The following DDX39B variants were observed in gnomAD, a reference collection of about 807,000 sequenced individuals.
DDX39B encodes spliceosome RNA helicase DDX39B.
A neutral mutation model predicts 46.4 loss-of-function variants in DDX39B; 6 were observed. The ratio of observed to expected loss-of-function variants is 0.13; its 90% CI spans 0.07 to 0.26. The LOEUF is 0.26. Ranked by LOEUF, DDX39B falls within the 10% of genes least tolerant of loss-of-function variation. The probability of loss-of-function intolerance (pLI) is 1.00; values close to 1 mark genes in which losing one functional copy is unlikely to be tolerated. For missense variants in DDX39B, 185 were observed against 553.4 expected (o/e 0.33, Z 6.68); for synonymous variants, 174 against 199.4 (o/e 0.87, Z 1.07).
chr6:31,537,915 G>C (rs1184044825), intron 4 of DDX39B, among the ~76,000 whole-genome samples: 2 of 152,050 alleles, frequency 1.3e-5, no homozygotes, highest in Admixed American at 6.6e-5. Flanking sequence ...GCACACTGTA[G>C]TCCCAGCTAC....
chr6:31,531,503 G>A lies in DDX39B; in HGVS notation c.868-98C>T, dbSNP rs1039903246. 31 of 967,866 alleles carry A rather than the reference G, an allele frequency of 3.2e-5. No individual in the cohort carries two copies. In the African/African-American group the frequency reaches 3.4e-4, roughly 11 times the overall value. The allele number at this position is 967,866 out of a possible 1,614,324, so 60.0% of individuals were successfully genotyped here. A position where few individuals can be genotyped will look rare whatever the true frequency, so the allele number is the denominator to read the frequency against. ...GGAGAGGGGAGTTTCTAGTAATTACGTTCTCAGGAATTCCTCTTCATTTCT... is the reference window on the plus strand; with the variant it reads ...GGAGAGGGGAGTTTCTAGTAATTACATTCTCAGGAATTCCTCTTCATTTCT... On this transcript the variant is annotated intron_variant, in intron 7 of 10. Coordinates refer to ENST00000396172, the MANE Select transcript of DDX39B (RefSeq NM_004640.7). The surrounding 1 kb of genome is among the most constrained non-coding windows in gnomAD (Gnocchi z 5.8).
intron 1 of DDX39B, chr6:31,540,878 A>C: frequency 2.4e-6 from 1 of 422,166 alleles, no homozygotes; most frequent in Non-Finnish European, 4.4e-6. Context: ...AAGATTAGCA[A>C]TCACAGTAGC....
chr6:31,536,300 A>G (rs961591357), intron 5 of DDX39B, 200 bp downstream of exon 5: 65 of 811,656 alleles, frequency 8.0e-5, no homozygotes, highest in Middle Eastern at 2.5e-4. Flanking sequence ...TTAAAAACAA[A>G]AATCATAGAA....
chr6:31,533,545 G>A (rs1469233771), intron 6 of DDX39B: 1 of 153,290 alleles, frequency 6.5e-6, no homozygotes, highest in Non-Finnish European at 1.5e-5. Context: ...AGATGAGACT[G>A]GTCTCTTGAC....
At chr6:31,538,291 G>A (rs1453304733) in intron 4 of DDX39B, among the ~76,000 whole-genome samples, 1 of 152,074 alleles carries the variant, frequency 6.6e-6, no homozygotes, top group Non-Finnish European at 1.5e-5. Flanking sequence ...AAGCAGGTGG[G>A]ACTATAGGTG....
Position 31,534,762 on chromosome 6 carries a change from G to A in DDX39B, c.735+605C>T, listed in dbSNP as rs991259340. On this transcript the variant is annotated intron_variant, in intron 6 of 10. Coordinates refer to ENST00000396172, the MANE Select transcript of DDX39B (RefSeq NM_004640.7). The surrounding 1 kb of genome is among the most constrained non-coding windows in gnomAD (Gnocchi z 5.1). ...CGCGCCACGGTGCTTCTCTGTTGCC[G>A]GCTCACATCAACCGAGGTTCCAGAT... 3.5e-5 allele frequency: 12 copies of A among 341,324 alleles called. No individual in the cohort carries two copies. The highest frequency in any genetic ancestry group is 5.2e-5 in the Non-Finnish European group (9 of 173,514). 21.1% of individuals were successfully genotyped at this position (341,324 alleles called of 1,614,324 possible). A position where few individuals can be genotyped will look rare whatever the true frequency, so the allele number is the denominator to read the frequency against.
rs964398539 is a variant in DDX39B, at chr6:31,530,696, C to G, written c.1270+83G>C. ...TCAAGTGTCCATTATGCATCAGATG[C>G]CCATGACCTATGTGATGGGATTTCG... On this transcript the variant is annotated intron_variant, in intron 10 of 10. Coordinates refer to ENST00000396172, the MANE Select transcript of DDX39B (RefSeq NM_004640.7). This position sits in a 1 kb window ranked among gnomAD's most constrained non-coding sequence, Gnocchi z 4.5. 10 of 1,548,732 alleles carry G rather than the reference C, an allele frequency of 6.5e-6. No individual in the cohort carries two copies. Among genetic ancestry groups the G allele is most frequent in the African/African-American group, 4.1e-5 (3 of 73,814 alleles).
intron 3 of DDX39B, 92 bp from the exon 4 acceptor site, chr6:31,538,947 G>T: frequency 6.8e-7 from 1 of 1,479,440 alleles, no homozygotes; most frequent in Non-Finnish European, 9.5e-7. Flanking sequence ...CACCTGGGCC[G>T]ATAATAAATG....
chr6:31,541,645 G>A (rs796534425), intron 1 of DDX39B: 32 of 485,474 alleles, frequency 6.6e-5, no homozygotes, highest in African/African-American at 5.1e-4. Flanking sequence ...AAGACCAAGG[G>A]ACGCCGAGCG....
intron 1 of DDX39B, chr6:31,541,020 C>A: frequency 4.2e-6 from 2 of 477,776 alleles, no homozygotes; most frequent in Non-Finnish European, 8.5e-6. Flanking sequence ...ATGGAGATGA[C>A]AAGTAGAGTC....
rs538995701 is a variant in DDX39B at position 31,541,976 on chromosome 6, C to A, written c.-159G>T. On this transcript the variant is annotated 5_prime_UTR_variant, in exon 1 of 11. Transcript: ENST00000396172. ...TAAACAGGGAGAGCGCGTATGGCGG[C>A]AGCAACAGCGACGAAGGAGGGAAAT... 1.3e-5 allele frequency: 9 copies of A among 674,934 alleles called. No individual in the cohort carries two copies. Among genetic ancestry groups the A allele is most frequent in the Non-Finnish European group, 2.2e-5 (8 of 364,554 alleles). The allele number at this position is 674,934 out of a possible 1,614,324, so 41.8% of individuals were successfully genotyped here. A position where few individuals can be genotyped will look rare whatever the true frequency, so the allele number is the denominator to read the frequency against.
intron 1 of DDX39B, chr6:31,541,236 G>A (rs769157959): frequency 1.7e-5 from 9 of 532,866 alleles, no homozygotes; most frequent in African/African-American, 1.5e-4. Context: ...CCCTTCCGCT[G>A]TTTAAGCAAG....
At position 31,531,597 on chromosome 6, in the gene DDX39B, T is replaced by C. The variant is rs1767173213; in HGVS notation, c.868-192A>G. 1 of 601,532 alleles carries C rather than the reference T, an allele frequency of 1.7e-6. No individual in the cohort carries two copies. The highest frequency in any genetic ancestry group is 1.9e-5 in the African/African-American group (1 of 53,978). The allele number at this position is 601,532 out of a possible 1,614,324, so 37.3% of individuals were successfully genotyped here. A position where few individuals can be genotyped will look rare whatever the true frequency, so the allele number is the denominator to read the frequency against. On this transcript the variant is annotated intron_variant, in intron 7 of 10. Coordinates refer to ENST00000396172, the MANE Select transcript of DDX39B (RefSeq NM_004640.7). This position sits in a 1 kb window ranked among gnomAD's most constrained non-coding sequence, Gnocchi z 5.8. ...CTTTACTTCAGCACTGATTTTTCCC[T>C]AAGGAAGCTGGCCTCTGAGGTAGCA...
At chr6:31,536,190 G>C (rs1767759613) in intron 5 of DDX39B, among the ~76,000 whole-genome samples, 1 of 152,136 alleles carries the variant, frequency 6.6e-6, no homozygotes, top group Non-Finnish European at 1.5e-5. Context: ...TTTCAGTTTA[G>C]AATCTCCGCT....
intron 1 of DDX39B, 187 bp from the exon 2 acceptor site, chr6:31,540,851 G>C (rs1768335938): frequency 4.3e-6 from 2 of 464,086 alleles, no homozygotes; most frequent in African/African-American, 2.0e-5. Context: ...AAAGTGGTTA[G>C]GACAGAGGTT....
chr6:31,534,776 GA>G lies in DDX39B; in HGVS notation c.735+590del, dbSNP rs1767594106. On this transcript the variant is annotated intron_variant, in intron 6 of 10. Coordinates refer to ENST00000396172, the MANE Select transcript of DDX39B (RefSeq NM_004640.7). The surrounding 1 kb of genome is among the most constrained non-coding windows in gnomAD (Gnocchi z 5.1). ...TCTCTGTTGCCGGCTCACATCAACC[GA>G]GGTTCCAGATGGGTGCAAGGAGATG... 1 of 338,814 alleles carries G rather than the reference GA, an allele frequency of 3.0e-6. No homozygotes were observed. Among genetic ancestry groups the G allele is most frequent in the African/African-American group, 2.2e-5 (1 of 46,486 alleles). 21.0% of individuals were successfully genotyped at this position (338,814 alleles called of 1,614,324 possible). A position where few individuals can be genotyped will look rare whatever the true frequency, so the allele number is the denominator to read the frequency against.
rs750352718 is a variant in DDX39B, at chr6:31,530,757, G to T, written c.1270+22C>A. ...CTAAGGAACAGGGAGGACCTAAAGGGTTTCATGAGATCAGTACTCACTGTA... is the reference window on the plus strand; with the variant it reads ...CTAAGGAACAGGGAGGACCTAAAGGTTTTCATGAGATCAGTACTCACTGTA... On this transcript the variant is annotated intron_variant, in intron 10 of 10. Coordinates refer to ENST00000396172, the MANE Select transcript of DDX39B (RefSeq NM_004640.7). The surrounding 1 kb of genome is among the most constrained non-coding windows in gnomAD (Gnocchi z 4.5). 2.5e-6 allele frequency: 4 copies of T among 1,608,116 alleles called. No homozygotes were observed. The African/African-American group carries it at 4.0e-5, about 16-fold the overall frequency.
At chr6:31,536,059 T>C (rs1182220195) in intron 5 of DDX39B, among the ~76,000 whole-genome samples, 1 of 152,140 alleles carries the variant, frequency 6.6e-6, no homozygotes, top group African/African-American at 2.4e-5. Flanking sequence ...GAATACCACA[T>C]CACACAAACT....
intron 5 of DDX39B, chr6:31,536,238 G>A (rs9267482): frequency 0.02 from 11,149 of 566,234 alleles, 174 homozygotes; most frequent in African/African-American, 0.031. Flanking sequence ...GAAAACGGTG[G>A]TGGTGGTGAT....
Sources: allele counts gnomAD v4.1 joint callset (sites outside exome capture counted in the v4.1 genomes callset), GRCh38; gene constraint gnomAD v4.1.1; non-coding constraint Gnocchi (gnomAD v3.1); transcripts MANE v1.5; gene names NCBI Gene and HGNC (gene_info 2026-07-23, HGNC 2026-07-21).